GRIK4: variants seen among roughly 807,000 people sequenced by gnomAD.
The protein encoded by GRIK4 is glutamate receptor ionotropic, kainate 4.
A neutral mutation model predicts 104.9 loss-of-function variants in GRIK4; 40 were observed. That is an observed-to-expected ratio of 0.38 (90% CI 0.30 to 0.50). The LOEUF (loss-of-function observed/expected upper bound fraction) is 0.50. Ranked by LOEUF, GRIK4 falls within the 20% of genes least tolerant of loss-of-function variation. The probability of loss-of-function intolerance (pLI) is 0.93; values close to 1 mark genes in which losing one functional copy is unlikely to be tolerated. For missense variants in GRIK4, 1,047 were observed against 1,308.1 expected (o/e 0.80, Z 3.08); for synonymous variants, 485 against 524.9 (o/e 0.92, Z 1.04).
chr11:120,592,772 C>T (rs1948750561), intron 1 of GRIK4, among the ~76,000 whole-genome samples: 1 of 152,162 alleles, frequency 6.6e-6, no homozygotes, highest in African/African-American at 2.4e-5. Flanking sequence ...TGTGCCCCTC[C>T]TGCAACTCTG....
intron 3 of GRIK4, among the ~76,000 whole-genome samples, chr11:120,756,444 G>T (rs1173500050): frequency 3.3e-5 from 5 of 152,152 alleles, no homozygotes; most frequent in Admixed American, 6.5e-5. Flanking sequence ...GAAGGAAACT[G>T]GGCTGCCTTA....
intron 13 of GRIK4, among the ~76,000 whole-genome samples, chr11:120,934,884 T>G (rs2134622594): frequency 6.6e-6 from 1 of 152,326 alleles, no homozygotes; most frequent in East Asian, 1.9e-4. Flanking sequence ...CCTGTGGCTC[T>G]AATGGTCCCA....
chr11:120,531,263 G>A (rs929462433), intron 1 of GRIK4, among the ~76,000 whole-genome samples: 1 of 152,266 alleles, frequency 6.6e-6, no homozygotes, highest in Non-Finnish European at 1.5e-5. Context: ...AAGATCAAGA[G>A]TGAAACTCAG....
intron 6 of GRIK4, among the ~76,000 whole-genome samples, chr11:120,826,613 A>G (rs537093130): frequency 4.6e-5 from 7 of 152,352 alleles, no homozygotes; most frequent in Non-Finnish European, 8.8e-5. Context: ...ATGGGAACAC[A>G]GAGGCCGGGG....
intron 1 of GRIK4, among the ~76,000 whole-genome samples, chr11:120,598,746 C>T (rs1425211506): frequency 6.6e-6 from 1 of 152,236 alleles, no homozygotes; most frequent in Non-Finnish European, 1.5e-5. Context: ...TTCTCCATGT[C>T]CATGTAGATG....
intron 11 of GRIK4, among the ~76,000 whole-genome samples, chr11:120,885,594 A>G (rs1422461404): frequency 6.6e-6 from 1 of 152,180 alleles, no homozygotes; most frequent in East Asian, 1.9e-4. Context: ...CATGTTGGTC[A>G]GGCTGATCTC....
chr11:120,551,142 A>T (rs1948135716), intron 1 of GRIK4, among the ~76,000 whole-genome samples: 1 of 152,108 alleles, frequency 6.6e-6, no homozygotes, highest in African/African-American at 2.4e-5. Context: ...GAGGGCAGAG[A>T]ACATGAGATG....
intron 3 of GRIK4, among the ~76,000 whole-genome samples, chr11:120,700,577 G>T (rs1591816368): frequency 6.6e-6 from 1 of 152,158 alleles, no homozygotes. Context: ...TCCTGCCTCA[G>T]CCTCCTGAGT....
intron 13 of GRIK4, chr11:120,936,361 A>G: frequency 1.5e-5 from 7 of 465,514 alleles, no homozygotes; most frequent in South Asian, 1.2e-4. Flanking sequence ...ATGAAGGTCA[A>G]AGGAGGCCTC....
chr11:120,523,951 G>A (rs1390908060), intron 1 of GRIK4, among the ~76,000 whole-genome samples: 1 of 149,750 alleles, frequency 6.7e-6, no homozygotes, highest in African/African-American at 2.5e-5. Flanking sequence ...TTCCTGAGAC[G>A]GAGCCTTGCT....
At chr11:120,795,043 C>T (rs573691576) in intron 3 of GRIK4, among the ~76,000 whole-genome samples, 18 of 152,146 alleles carry the variant, frequency 1.2e-4, no homozygotes, top group African/African-American at 2.9e-4. Flanking sequence ...GCAGAGCTAA[C>T]GCACTCCCCA....
intron 14 of GRIK4, among the ~76,000 whole-genome samples, chr11:120,943,021 G>GCTAGAA (rs1465279584): frequency 6.6e-6 from 1 of 151,434 alleles, no homozygotes; most frequent in Non-Finnish European, 1.5e-5. Flanking sequence ...CTGCCTTTTG[G>GCTAGAA]ACTTATTAGC....
At chr11:120,937,762 G>A (rs753656376) in intron 13 of GRIK4, among the ~76,000 whole-genome samples, 1 of 152,208 alleles carries the variant, frequency 6.6e-6, no homozygotes, top group Non-Finnish European at 1.5e-5. Flanking sequence ...AAGAACCCTG[G>A]TAGTGAGCTG....
At chr11:120,558,337 C>T (rs1034400228) in intron 1 of GRIK4, among the ~76,000 whole-genome samples, 9 of 152,168 alleles carry the variant, frequency 5.9e-5, no homozygotes, top group Admixed American at 4.6e-4. Context: ...CCTGTAATCC[C>T]AGCACTTTGG....
intron 3 of GRIK4, among the ~76,000 whole-genome samples, chr11:120,670,658 T>C (rs1008483618): frequency 6.6e-6 from 1 of 152,266 alleles, no homozygotes; most frequent in Non-Finnish European, 1.5e-5. Flanking sequence ...TAGCCCTGCC[T>C]CTGCCCCTGA....
rs893080163 is a variant in GRIK4, at chr11:120,710,995, G to C, written c.82+50595G>C. Among the ~76,000 whole-genome samples, 6 of 141,502 alleles carry C rather than the reference G, an allele frequency of 4.2e-5. 1 individual carries two copies. The highest frequency in any genetic ancestry group is 1.7e-4 in the African/African-American group (6 of 34,428). The allele number at this position is 141,502 out of a possible 152,430, so 92.8% of individuals were successfully genotyped here. ...CGGCCAGCCTCGCTTGCCCCTGTGA[G>C]GTGGGGAGGGGGTGTGAGCAGCTGC... On this transcript the variant is annotated intron_variant, in intron 3 of 20. Transcript: ENST00000527524.
intron 1 of GRIK4, among the ~76,000 whole-genome samples, chr11:120,588,121 C>CGAGACA (rs2135107341): frequency 6.6e-6 from 1 of 152,204 alleles, no homozygotes; most frequent in Non-Finnish European, 1.5e-5. Context: ...CAGAGGGGCA[C>CGAGACA]GAGACAGAGA....
chr11:120,891,625 G>T (rs116797865), intron 11 of GRIK4, among the ~76,000 whole-genome samples: 1 of 152,316 alleles, frequency 6.6e-6, no homozygotes, highest in African/African-American at 2.4e-5. Context: ...TGATAAGCTA[G>T]GCACTGTGCC....
chr11:120,624,373 T>C (rs994786246), intron 1 of GRIK4, among the ~76,000 whole-genome samples: 1 of 152,032 alleles, frequency 6.6e-6, no homozygotes, highest in Non-Finnish European at 1.5e-5. Flanking sequence ...GCCCCCTCCC[T>C]GTAACCAGAT....
Sources: gnomAD v4.1 joint callset for allele counts (sites outside exome capture counted in the v4.1 genomes callset) on GRCh38, gnomAD v4.1.1 for gene constraint, MANE v1.5 for transcripts, NCBI Gene and HGNC (gene_info 2026-07-23, HGNC 2026-07-21) for gene names.